MRTFB: variants seen among roughly 807,000 people sequenced by gnomAD.
The protein encoded by MRTFB is myocardin-related transcription factor B.
In MRTFB, 29 loss-of-function variants were observed where a neutral mutation model predicts 104.2. That is an observed-to-expected ratio of 0.28 (90% CI 0.21 to 0.38). The LOEUF (loss-of-function observed/expected upper bound fraction) is 0.38, where lower values mean the gene tolerates loss of function less well. Ranked by LOEUF, MRTFB falls within the 10% of genes least tolerant of loss-of-function variation. The pLI, the probability that MRTFB is intolerant of heterozygous loss-of-function variation, is 1.00. For missense variants in MRTFB, 1,270 were observed against 1,341.6 expected (o/e 0.95, Z 0.83); for synonymous variants, 535 against 519.5 (o/e 1.03, Z -0.41).
At chr16:14,132,579 A>G (rs932053275) in intron 2 of MRTFB, among the ~76,000 whole-genome samples, 1 of 152,224 alleles carries the variant, frequency 6.6e-6, no homozygotes, top group African/African-American at 2.4e-5. Context: ...TGTTGTCTCA[A>G]GAGTACAATA....
At chr16:14,046,881 C>T in the MRTFB span, among the ~76,000 whole-genome samples, 1 of 152,212 alleles carries the variant, frequency 6.6e-6, no homozygotes, top group African/African-American at 2.4e-5. Flanking sequence ...AGGCACTGCT[C>T]TAAGTGCTAT....
chr16:14,214,333 G>A (rs778488770), intron 6 of MRTFB, among the ~76,000 whole-genome samples: 10 of 152,154 alleles, frequency 6.6e-5, no homozygotes, highest in Admixed American at 1.3e-4. Flanking sequence ...AGTCTTGGGT[G>A]TGTTAAGTAT....
At chr16:14,059,451 C>T in the MRTFB span, among the ~76,000 whole-genome samples, 1 of 152,064 alleles carries the variant, frequency 6.6e-6, no homozygotes, top group African/African-American at 2.4e-5. Flanking sequence ...TTCAGGTGGT[C>T]ATGGCTGATA....
intron 2 of MRTFB, among the ~76,000 whole-genome samples, chr16:14,087,341 C>G (rs973758742): frequency 1.3e-5 from 2 of 152,146 alleles, no homozygotes; most frequent in Non-Finnish European, 2.9e-5. Flanking sequence ...GTCCTATCCC[C>G]CTTGAGAAAT....
chr16:14,245,264 C>G (rs1567211435), intron 10 of MRTFB, among the ~76,000 whole-genome samples: 1 of 152,168 alleles, frequency 6.6e-6, no homozygotes, highest in Non-Finnish European at 1.5e-5. Flanking sequence ...TGCTTTTCTT[C>G]AAGGATTCAT....
chr16:14,001,338 G>C, the MRTFB span, among the ~76,000 whole-genome samples: 4 of 152,202 alleles, frequency 2.6e-5, no homozygotes, highest in Non-Finnish European at 5.9e-5. Flanking sequence ...TCTGCTGTGA[G>C]CGCCCTCCTC....
intron 3 of MRTFB, among the ~76,000 whole-genome samples, chr16:14,202,197 C>T (rs1053516302): frequency 4.6e-5 from 7 of 151,576 alleles, no homozygotes; most frequent in African/African-American, 1.7e-4. Flanking sequence ...TTATCTGACA[C>T]ATATACTTCC....
intron 2 of MRTFB, among the ~76,000 whole-genome samples, chr16:14,113,553 T>C (rs553753246): frequency 6.6e-6 from 1 of 152,258 alleles, no homozygotes; most frequent in African/African-American, 2.4e-5. Flanking sequence ...GTGATTGTTA[T>C]TGTGGGAGGT....
chr16:14,216,265 A>G (rs1466028193), intron 6 of MRTFB, among the ~76,000 whole-genome samples: 2 of 152,182 alleles, frequency 1.3e-5, no homozygotes, highest in African/African-American at 4.8e-5. Context: ...TCCTAAGCCG[A>G]CTTATGGGGA....
At chr16:14,038,622 T>C in the MRTFB span, among the ~76,000 whole-genome samples, 1 of 152,160 alleles carries the variant, frequency 6.6e-6, no homozygotes. Flanking sequence ...CAGGCAACCA[T>C]ATCTGTACAA....
At chr16:14,199,823 A>T (rs2040602907) in intron 3 of MRTFB, among the ~76,000 whole-genome samples, 1 of 152,190 alleles carries the variant, frequency 6.6e-6, no homozygotes, top group South Asian at 2.1e-4. Flanking sequence ...AACCACGGTA[A>T]ATATTTCCCC....
the MRTFB span, among the ~76,000 whole-genome samples, chr16:14,057,839 T>A: frequency 6.6e-6 from 1 of 152,148 alleles, no homozygotes; most frequent in South Asian, 2.1e-4. Flanking sequence ...AACTAAAGAG[T>A]CCAACTCTGA....
chr16:14,190,913 A>G (rs1335798849), intron 3 of MRTFB, among the ~76,000 whole-genome samples: 1 of 152,218 alleles, frequency 6.6e-6, no homozygotes, highest in African/African-American at 2.4e-5. Context: ...AATAGCCGAG[A>G]TGAAGTACAT....
At chr16:13,995,913 C>G in the MRTFB span, among the ~76,000 whole-genome samples, 1 of 152,104 alleles carries the variant, frequency 6.6e-6, no homozygotes, top group Non-Finnish European at 1.5e-5. Flanking sequence ...TGGGTGGGGA[C>G]ACACAGCCAA....
At chr16:14,182,878 G>A (rs939161150) in intron 3 of MRTFB, among the ~76,000 whole-genome samples, 1 of 152,160 alleles carries the variant, frequency 6.6e-6, no homozygotes, top group Non-Finnish European at 1.5e-5. Context: ...TGAAATAGGA[G>A]ACTGTAAGTA....
At chr16:14,219,526 A>G (rs1006610140) in intron 8 of MRTFB, among the ~76,000 whole-genome samples, 1 of 152,228 alleles carries the variant, frequency 6.6e-6, no homozygotes, top group Non-Finnish European at 1.5e-5. Context: ...GGGAGTGATC[A>G]AGTCAGCAGA....
At chr16:14,025,638 G>A in the MRTFB span, among the ~76,000 whole-genome samples, 2 of 152,184 alleles carry the variant, frequency 1.3e-5, no homozygotes, top group South Asian at 2.1e-4. Flanking sequence ...CTGGGCAGGT[G>A]CAAGAAGCTC....
At position 14,211,913 on chromosome 16, in the gene MRTFB, C is replaced by T. The variant is rs77333614; in HGVS notation, c.221-441C>T. On this transcript the variant is annotated intron_variant, in intron 4 of 16. Coordinates refer to ENST00000571589, the MANE Select transcript of MRTFB (RefSeq NM_001308142.2). ...CCATGGTTAAGCACAGAGCCCATTA[C>T]GGGTTCTAAATAAATGATACCTCAA... 7.7e-3 allele frequency among the ~76,000 whole-genome samples: 1,174 copies of T among 152,228 alleles called. 9 individuals are homozygous for T. The highest frequency in any genetic ancestry group is 0.013 in the Non-Finnish European group (876 of 67,994).
chr16:14,034,842 C>A, the MRTFB span, among the ~76,000 whole-genome samples: 1 of 152,146 alleles, frequency 6.6e-6, no homozygotes, highest in African/African-American at 2.4e-5. Flanking sequence ...TGTGAGGACA[C>A]AATTCGACCC....
Sources: gnomAD v4.1 joint callset for allele counts (sites outside exome capture counted in the v4.1 genomes callset) on GRCh38, gnomAD v4.1.1 for gene constraint, MANE v1.5 for transcripts, NCBI Gene and HGNC (gene_info 2026-07-23, HGNC 2026-07-21) for gene names.